TBC1D20: variants seen among roughly 807,000 people sequenced by gnomAD.
TBC1D20 encodes TBC1 domain family member 20.
Under a neutral mutation model 41.6 loss-of-function variants are expected in TBC1D20, and 12 were observed. The ratio of observed to expected loss-of-function variants is 0.29; its 90% CI spans 0.18 to 0.47. TBC1D20 has a LOEUF of 0.47. TBC1D20 is among the 20% of genes least tolerant of loss of function. The pLI is 1.00. For missense variants in TBC1D20, 421 were observed against 517.4 expected (o/e 0.81, Z 1.81); for synonymous variants, 205 against 204.8 (o/e 1.00, Z -0.01).
chr20:452,102 T>C lies in TBC1D20; in HGVS notation c.71-4028A>G, dbSNP rs142930201. ...GGCAGGCAGATCACGAGGTCAGGTG[T>C]TCGAGACCAGCCTGACCAACATGAG... On this transcript the variant is annotated intron_variant, in intron 1 of 7. Transcript: ENST00000354200. 4.1e-4 allele frequency among the ~76,000 whole-genome samples: 62 copies of C among 151,796 alleles called. 1 individual carries two copies. The East Asian group carries it at 0.01, about 25-fold the overall frequency.
At chr20:454,649 A>ATATTAT (rs1438006459) in intron 1 of TBC1D20, among the ~76,000 whole-genome samples, 1 of 122,750 alleles carries the variant, frequency 8.1e-6, no homozygotes, top group African/African-American at 2.9e-5. Context: ...ACAAAGCTGT[A>ATATTAT]CATTATTATT....
At chr20:443,017 A>G (rs150410129) in intron 3 of TBC1D20, among the ~76,000 whole-genome samples, 2,469 of 152,166 alleles carry the variant, frequency 0.016, 73 homozygotes, top group African/African-American at 0.056. Context: ...GGAGAATGGC[A>G]TGAACCCAGG....
At chr20:457,397 T>C (rs1016259398) in intron 1 of TBC1D20, among the ~76,000 whole-genome samples, 1 of 151,994 alleles carries the variant, frequency 6.6e-6, no homozygotes, top group Non-Finnish European at 1.5e-5. Context: ...TTTAAAAAAA[T>C]TTTTTGTAGA....
chr20:454,067 T>C (rs1300058475), intron 1 of TBC1D20, among the ~76,000 whole-genome samples: 2 of 139,948 alleles, frequency 1.4e-5, no homozygotes, highest in Admixed American at 6.8e-5. Flanking sequence ...GGTGAAACCC[T>C]GTCTTTACTA....
intron 5 of TBC1D20, chr20:441,155 C>T (rs1248200630): frequency 6.7e-6 from 1 of 150,342 alleles, no homozygotes. Context: ...TGGCCAAGAA[C>T]ACATTTCCAA....
intron 3 of TBC1D20, among the ~76,000 whole-genome samples, chr20:442,814 T>C (rs559649158): frequency 1.3e-5 from 2 of 152,280 alleles, no homozygotes; most frequent in Non-Finnish European, 2.9e-5. Flanking sequence ...AAAGCAAATG[T>C]AGGCCAGGCG....
At chr20:459,778 A>G (rs2122431169) in intron 1 of TBC1D20, among the ~76,000 whole-genome samples, 1 of 152,236 alleles carries the variant, frequency 6.6e-6, no homozygotes, top group Admixed American at 6.5e-5. Flanking sequence ...CTAAAATGCT[A>G]ATTTTAACAA....
intron 1 of TBC1D20, among the ~76,000 whole-genome samples, chr20:451,404 C>T (rs1212206853): frequency 1.3e-5 from 2 of 151,992 alleles, no homozygotes; most frequent in African/African-American, 4.8e-5. Flanking sequence ...AAAAACTAGC[C>T]GGGCATGGTG....
rs747389763 is a variant in TBC1D20, at chr20:439,642, G to C, written c.769-347C>G. Among the ~76,000 whole-genome samples, 9 of 152,186 alleles carry C rather than the reference G, an allele frequency of 5.9e-5. No individual in the cohort carries two copies. Among genetic ancestry groups the C allele is most frequent in the Admixed American group, 1.3e-4 (2 of 15,282 alleles). ...GTAGGAGAATTATTGGGAGATTCCT[G>C]GAGCTCCAGCATAGAAGAAATGGTT... On this transcript the variant is annotated intron_variant, in intron 6 of 7. Coordinates refer to ENST00000354200, the MANE Select transcript of TBC1D20 (RefSeq NM_144628.4). The surrounding 1 kb of genome is among the most constrained non-coding windows in gnomAD (Gnocchi z 4.6).
chr20:440,034 A>T (rs1287983757), intron 6 of TBC1D20, among the ~76,000 whole-genome samples: 1 of 152,196 alleles, frequency 6.6e-6, no homozygotes, highest in African/African-American at 2.4e-5. Context: ...CAGCAAAAAA[A>T]ATCTGATTTT....
At chr20:458,918 A>G (rs1313297478) in intron 1 of TBC1D20, among the ~76,000 whole-genome samples, 1 of 152,108 alleles carries the variant, frequency 6.6e-6, no homozygotes, top group East Asian at 1.9e-4. Flanking sequence ...TTCAGGCCCC[A>G]ACACCACCCT....
chr20:454,551 G>A (rs1026658242), intron 1 of TBC1D20, among the ~76,000 whole-genome samples: 1 of 152,066 alleles, frequency 6.6e-6, no homozygotes, highest in Non-Finnish European at 1.5e-5. Flanking sequence ...CTAACAGAAG[G>A]TACATTAGGT....
At position 445,109 on chromosome 20, in the gene TBC1D20, C is replaced by T; in HGVS notation, c.278G>A (p.Ser93Asn). The T allele has an allele frequency of 6.2e-7, 1 of 1,601,388 alleles. No homozygotes were observed. The highest frequency in any genetic ancestry group is 8.5e-7 in the Non-Finnish European group (1 of 1,172,162). The stretch of plus-strand genomic sequence containing the variant: ...CAGCAACACTTGTTGGTAGTCCTTG[C>T]TCATCTGCCGTAGGTTCTTCCCTAT... ...PISGKNLRQM[S>N]KDYQQVLLDV... Residue 93 changes from serine to asparagine, a missense_variant, in exon 3 of 8, where the codon AGC becomes AAC. Transcript: ENST00000354200.
At position 439,019 on chromosome 20, in the gene TBC1D20, C is replaced by T; in HGVS notation, c.956+89G>A. 2 of 1,513,330 alleles carry T rather than the reference C, an allele frequency of 1.3e-6. No individual in the cohort carries two copies. The highest frequency in any genetic ancestry group is 1.8e-6 in the Non-Finnish European group (2 of 1,119,384). The allele number at this position is 1,513,330 out of a possible 1,614,324, so 93.7% of individuals were successfully genotyped here. A position where few individuals can be genotyped will look rare whatever the true frequency, so the allele number is the denominator to read the frequency against. ...TAAGCTCAGATCTCTGGAAACATGC[C>T]CCAACCCTATCCCACCAGACACAAA... On this transcript the variant is annotated intron_variant, in intron 7 of 7. Coordinates refer to ENST00000354200, the MANE Select transcript of TBC1D20 (RefSeq NM_144628.4). The surrounding 1 kb of genome is among the most constrained non-coding windows in gnomAD (Gnocchi z 4.6).
intron 3 of TBC1D20, among the ~76,000 whole-genome samples, chr20:444,437 T>C (rs1209865622): frequency 6.6e-6 from 1 of 152,198 alleles, no homozygotes; most frequent in African/African-American, 2.4e-5. Context: ...GGAAGAAAAA[T>C]AGGTCATCCA....
chr20:453,539 C>CTT (rs1198052752), intron 1 of TBC1D20, among the ~76,000 whole-genome samples: 3,457 of 109,238 alleles, frequency 0.032, 420 homozygotes, highest in African/African-American at 0.049. Context: ...TGTAATCCAG[C>CTT]ATTTTTTTTT....
intron 1 of TBC1D20, among the ~76,000 whole-genome samples, chr20:449,761 A>G (rs1323165251): frequency 1.3e-5 from 2 of 152,236 alleles, no homozygotes; most frequent in Non-Finnish European, 2.9e-5. Flanking sequence ...GGTACACAGT[A>G]GATACTTACT....
At chr20:461,489 CG>C (rs369484607) in intron 1 of TBC1D20, among the ~76,000 whole-genome samples, 35 of 152,260 alleles carry the variant, frequency 2.3e-4, no homozygotes, top group Non-Finnish European at 4.6e-4. Context: ...CCTCCAGAGT[CG>C]TTGGGATCAC....
chr20:440,592 T>C, intron 5 of TBC1D20: 1 of 589,978 alleles, frequency 1.7e-6, no homozygotes, highest in East Asian at 3.3e-5. Context: ...CACAACAGGG[T>C]CCTGGCTGCT....
Sources: allele counts gnomAD v4.1 joint callset (sites outside exome capture counted in the v4.1 genomes callset), GRCh38; gene constraint gnomAD v4.1.1; non-coding constraint Gnocchi (gnomAD v3.1); transcripts MANE v1.5; gene names NCBI Gene and HGNC (gene_info 2026-07-23, HGNC 2026-07-21).